Variants in FAM120C observed in about 807,000 individuals in gnomAD.
The protein encoded by FAM120C is family with sequence similarity 120 member C, also known as constitutive coactivator of PPAR-gamma-like protein 2.
FAM120C carries 14 observed loss-of-function variants against 71.2 expected under a neutral mutation model. The observed-to-expected ratio is 0.20, with a 90% CI of 0.13 to 0.31. FAM120C has a LOEUF of 0.31. Among genes scored for constraint, FAM120C ranks in the 10% least tolerant of loss-of-function variants. FAM120C has a pLI of 1.00. For missense variants in FAM120C, 500 were observed against 879.0 expected (o/e 0.57, Z 5.45); for synonymous variants, 354 against 353.2 (o/e 1.00, Z -0.03).
At chrX:54,097,924 G>C (rs911325590) in intron 10 of FAM120C, among the ~76,000 whole-genome samples, 24 of 110,376 alleles carry the variant, frequency 2.2e-4, no homozygotes, top group South Asian at 7.7e-4. Flanking sequence ...GACGGGGTTT[G>C]ACCGTGTTAG....
rs781798279 is a variant in FAM120C, at chrX:54,133,647, C to T, written c.1890+126G>A. 4.8e-4 allele frequency: 374 copies of T among 772,117 alleles called. 2 individuals carry two copies. The highest frequency in any genetic ancestry group is 4.2e-3 in the Middle Eastern group (9 of 2,148). 63.6% of individuals were successfully genotyped at this position (772,117 alleles called of 1,213,427 possible). ...GGCCTTAGTAGGATGAGGGGCCCAC[C>T]ACATGTGGCCTTCTTTTTCTAACTT... On this transcript the variant is annotated intron_variant, in intron 8 of 15. Coordinates refer to ENST00000375180, the MANE Select transcript of FAM120C (RefSeq NM_017848.6).
chrX:54,130,190 T>G (rs1453887443), intron 9 of FAM120C, among the ~76,000 whole-genome samples: 1 of 109,371 alleles, frequency 9.1e-6, no homozygotes, highest in African/African-American at 3.3e-5. Context: ...TGGGGTTATT[T>G]GCTTTTTTCT....
At chrX:54,107,478 C>T (rs2146582571) in intron 10 of FAM120C, among the ~76,000 whole-genome samples, 1 of 109,724 alleles carries the variant, frequency 9.1e-6, no homozygotes, top group South Asian at 4.0e-4. Context: ...GGCCCAGGAA[C>T]ATGTTAGGCA....
At chrX:54,081,602 G>T in intron 13 of FAM120C, 142 bp from the exon 14 acceptor site, 2 of 584,256 alleles carry the variant, frequency 3.4e-6, no homozygotes, top group Non-Finnish European at 5.1e-6. Context: ...GTGAAACCCT[G>T]TCTCTACTAA....
At chrX:54,116,840 A>G (rs1259805645) in intron 9 of FAM120C, 46 bp from the exon 10 acceptor site, 19 of 1,183,232 alleles carry the variant, frequency 1.6e-5, no homozygotes, top group Non-Finnish European at 2.2e-5. Flanking sequence ...AGAATCTCTC[A>G]GCATTTCTAC....
chrX:54,072,975 A>T lies in FAM120C; in HGVS notation c.*58T>A. ...ATATCCTCCTCTAGCTTGGGCCTAA[A>T]ATCAGAAAAGTAAAAGTTTTTCCCT... On this transcript the variant is annotated 3_prime_UTR_variant, in exon 16 of 16. Coordinates refer to ENST00000375180, the MANE Select transcript of FAM120C (RefSeq NM_017848.6). The T allele has an allele frequency of 8.7e-7, 1 of 1,153,797 alleles. No homozygotes were observed. The highest frequency in any genetic ancestry group is 2.1e-5 in the South Asian group (1 of 47,615).
intron 15 of FAM120C, among the ~76,000 whole-genome samples, chrX:54,074,495 C>T (rs1284431115): frequency 1.8e-5 from 2 of 112,446 alleles, no homozygotes; most frequent in Admixed American, 9.4e-5. Context: ...CTCGGCTCAC[C>T]GCAACCTCCG....
In FAM120C at chrX:54,136,505, C is replaced by A. The variant is rs1557130576; in HGVS notation, c.1244G>T (p.Gly415Val). 2 of 1,207,038 alleles carry A rather than the reference C, an allele frequency of 1.7e-6. No individual in the cohort carries two copies. Among genetic ancestry groups the A allele is most frequent in the East Asian group, 5.9e-5 (2 of 33,827 alleles). The stretch of plus-strand genomic sequence containing the variant: ...GGAAGCCTTACCTAGAAAGGAGGGA[C>A]CCACTGGCAGCGAAGAGAGTTTGGT... ...VTTKLSSLPV[G>V]PSFLGFRNNR... is the part of the protein sequence containing the mutation. The change falls in exon 5 of 16, where the codon GGT (glycine) becomes GTT (valine). Residue 415 changes from glycine to valine, a missense_variant. Gly to Val is a moderately radical substitution (Grantham distance 109, BLOSUM62 -3). This residue lies in a region of FAM120C where 55 missense variants were observed against 96.7 expected (regional missense o/e 0.57). Coordinates refer to ENST00000375180, the MANE Select transcript of FAM120C (RefSeq NM_017848.6).
chrX:54,145,210 A>G (rs1237581878), intron 4 of FAM120C, among the ~76,000 whole-genome samples: 6 of 112,232 alleles, frequency 5.3e-5, no homozygotes, highest in Admixed American at 9.5e-5. Flanking sequence ...AACCATGAAA[A>G]CCCTAGAAGA....
chrX:54,163,163 C>T (rs782348484), intron 1 of FAM120C, among the ~76,000 whole-genome samples: 1 of 111,818 alleles, frequency 8.9e-6, no homozygotes, highest in South Asian at 3.7e-4. Flanking sequence ...AATGATTTCA[C>T]TCCTAAGTAT....
chrX:54,160,661 G>A (rs1211211761), intron 1 of FAM120C, among the ~76,000 whole-genome samples: 1 of 111,387 alleles, frequency 9.0e-6, no homozygotes, highest in African/African-American at 3.3e-5. Context: ...TGTATTCCTG[G>A]CTCTCACATA....
At chrX:54,176,620 C>G (rs782200185) in intron 1 of FAM120C, among the ~76,000 whole-genome samples, 1 of 111,067 alleles carries the variant, frequency 9.0e-6, no homozygotes, top group African/African-American at 3.3e-5. Flanking sequence ...TAAGTAGCTA[C>G]AAAACTTCTG....
In FAM120C at chrX:54,068,856, G is replaced by A. The variant is rs2066698736; in HGVS notation, c.*4177C>T. 1 of 110,550 alleles carries A rather than the reference G, an allele frequency of 9.0e-6. No homozygotes were observed. Among genetic ancestry groups the A allele is most frequent in the East Asian group, 2.8e-4 (1 of 3,539 alleles). The allele number at this position is 110,550 out of a possible 1,213,427, so 9.1% of individuals were successfully genotyped here. On this transcript the variant is annotated 3_prime_UTR_variant, in exon 16 of 16. Coordinates refer to ENST00000375180, the MANE Select transcript of FAM120C (RefSeq NM_017848.6). Reference sequence around the variant, plus strand: ...GAATAGAATAGAATAGAAGGTAGGAGGGGAAGTGCTTTCTGGGAAGCAATT... The same window carrying A: ...GAATAGAATAGAATAGAAGGTAGGAAGGGAAGTGCTTTCTGGGAAGCAATT...
rs1429426640 is a variant in FAM120C, at chrX:54,159,930, C to A, written c.700-314G>T. Reference sequence around the variant, plus strand: ...AACAGAATACTCTTAAAAAACAAAACAAAAATGCTCTCCCACTCTACAATT... The same window carrying A: ...AACAGAATACTCTTAAAAAACAAAAAAAAAATGCTCTCCCACTCTACAATT... On this transcript the variant is annotated intron_variant, in intron 1 of 15. Coordinates refer to ENST00000375180, the MANE Select transcript of FAM120C (RefSeq NM_017848.6). Among the ~76,000 whole-genome samples, 26 of 109,633 alleles carry A rather than the reference C, an allele frequency of 2.4e-4. No homozygotes were observed. In the South Asian group the frequency reaches 3.2e-3, roughly 13 times the overall value.
chrX:54,116,808 AT>A lies in FAM120C; in HGVS notation c.2063-15del. 1.7e-6 allele frequency: 2 copies of A among 1,205,966 alleles called. No homozygotes were observed. Among genetic ancestry groups the A allele is most frequent in the Non-Finnish European group, 2.2e-6 (2 of 892,182 alleles). On this transcript the variant is annotated splice_polypyrimidine_tract_variant and intron_variant, in intron 9 of 15. Coordinates refer to ENST00000375180, the MANE Select transcript of FAM120C (RefSeq NM_017848.6). ...TCACTGAAGGAACTGGAAAACAGAA[AT>A]TGAGGAAAAAGAGGCTCTAGAGAAT...
intron 10 of FAM120C, among the ~76,000 whole-genome samples, chrX:54,116,011 G>A (rs1359328119): frequency 9.0e-6 from 1 of 111,354 alleles, no homozygotes; most frequent in East Asian, 2.8e-4. Flanking sequence ...AACCCAGGAG[G>A]TGGAGGTTGC....
At chrX:54,150,730 A>G (rs2067180478) in intron 4 of FAM120C, among the ~76,000 whole-genome samples, 1 of 111,796 alleles carries the variant, frequency 8.9e-6, no homozygotes, top group Admixed American at 9.6e-5. Flanking sequence ...AATTTTCTAG[A>G]ATGGGCTTAT....
At chrX:54,073,415 G>A in intron 15 of FAM120C, 128 bp from the exon 16 acceptor site, 1 of 625,973 alleles carries the variant, frequency 1.6e-6, no homozygotes, top group Admixed American at 4.0e-5. Flanking sequence ...CCTCAAGCTG[G>A]TTGACAACTA....
rs1455642864 is a variant in FAM120C, at chrX:54,068,748, C to T, written c.*4285G>A. 1 of 109,747 alleles carries T rather than the reference C, an allele frequency of 9.1e-6. No individual in the cohort carries two copies. Among genetic ancestry groups the T allele is most frequent in the Non-Finnish European group, 1.9e-5 (1 of 52,874 alleles). The allele number at this position is 109,747 out of a possible 1,213,427, so 9.0% of individuals were successfully genotyped here. A position where few individuals can be genotyped will look rare whatever the true frequency, so the allele number is the denominator to read the frequency against. On this transcript the variant is annotated 3_prime_UTR_variant, in exon 16 of 16. Transcript: ENST00000375180. ...ACTCCTTGCAGTTAAAGTTTCTTTA[C>T]CTAGTGTGTTATTCTAAAAACAGAA... is the stretch of plus-strand genomic sequence containing the variant.
Sources: allele counts gnomAD v4.1 joint callset (sites outside exome capture counted in the v4.1 genomes callset), GRCh38; gene constraint gnomAD v4.1.1; regional missense constraint gnomAD v4.1.1; transcripts MANE v1.5; gene names NCBI Gene and HGNC (gene_info 2026-07-23, HGNC 2026-07-21).